USP45: variants seen among roughly 807,000 people sequenced by gnomAD.
USP45 encodes ubiquitin specific peptidase 45, also known as ubiquitin carboxyl-terminal hydrolase 45.
A neutral mutation model predicts 95.8 loss-of-function variants in USP45; 89 were observed. The ratio of observed to expected loss-of-function variants is 0.93; its 90% CI spans 0.78 to 1.11. The LOEUF (loss-of-function observed/expected upper bound fraction) is 1.11. USP45 is among the 50% of genes least tolerant of loss of function. USP45 has a pLI of 0.00. For synonymous variants in USP45, 281 were observed against 316.2 expected (o/e 0.89, Z 1.18); for missense variants, 898 against 942.5 (o/e 0.95, Z 0.62).
At chr6:99,462,147 A>T in intron 13 of USP45, 1 of 982,254 alleles carries the variant, frequency 1.0e-6, no homozygotes, top group Non-Finnish European at 1.2e-6. Context: ...TATTACATGA[A>T]AAAAACGTTC....
chr6:99,462,673 C>A lies in USP45; in HGVS notation c.1308+1931G>T, dbSNP rs542077392. 4.8e-5 allele frequency: 47 copies of A among 985,606 alleles called. No individual in the cohort carries two copies. The South Asian group carries it at 1.8e-3, about 37-fold the overall frequency. 61.1% of individuals were successfully genotyped at this position (985,606 alleles called of 1,614,324 possible). On this transcript the variant is annotated intron_variant, in intron 13 of 17. Coordinates refer to ENST00000500704, the MANE Select transcript of USP45 (RefSeq NM_001346022.3). The stretch of plus-strand genomic sequence containing the variant: ...AAGTCTTGTGACTTCTAACATAAGT[C>A]TTCTAACAGAGTAAGTTAAATTCAG...
At chr6:99,441,161 AT>A (rs1192171132) in intron 15 of USP45, among the ~76,000 whole-genome samples, 1 of 6,572 alleles carries the variant, frequency 1.5e-4, no homozygotes, top group African/African-American at 2.1e-4. Context: ...GCACACACAA[AT>A]TTTTGTGTAT....
At chr6:99,470,538 A>T (rs1789145281) in intron 9 of USP45, among the ~76,000 whole-genome samples, 1 of 152,210 alleles carries the variant, frequency 6.6e-6, no homozygotes, top group African/African-American at 2.4e-5. Context: ...AAAAGCAAAC[A>T]TAAAGCAATT....
intron 13 of USP45, among the ~76,000 whole-genome samples, chr6:99,447,400 C>A (rs1200724879): frequency 6.6e-6 from 1 of 152,146 alleles, no homozygotes; most frequent in African/African-American, 2.4e-5. Flanking sequence ...AGTGTCTTGC[C>A]TCAATTTTTT....
intron 13 of USP45, among the ~76,000 whole-genome samples, chr6:99,452,888 G>A (rs1270559147): frequency 6.6e-6 from 1 of 152,174 alleles, no homozygotes; most frequent in Non-Finnish European, 1.5e-5. Flanking sequence ...GGACATGGAT[G>A]AAGCTGGAAA....
chr6:99,476,915 G>A (rs1224591282), intron 8 of USP45, among the ~76,000 whole-genome samples: 2 of 152,140 alleles, frequency 1.3e-5, no homozygotes, highest in African/African-American at 4.8e-5. Flanking sequence ...GAAAGATCAG[G>A]TACTATTCAT....
At chr6:99,513,335 T>C (rs1562467954) in intron 1 of USP45, among the ~76,000 whole-genome samples, 1 of 152,168 alleles carries the variant, frequency 6.6e-6, no homozygotes, top group African/African-American at 2.4e-5. Flanking sequence ...TTCACTTTCC[T>C]CAAACCTCTA....
chr6:99,465,197 T>C (rs1005719027), intron 11 of USP45, 61 bp from the exon 12 acceptor site: 13 of 1,413,548 alleles, frequency 9.2e-6, no homozygotes, highest in Non-Finnish European at 1.3e-5. Context: ...TACAGTTTTG[T>C]AAAGTACAAA....
At chr6:99,463,408 G>A (rs1429098434) in intron 13 of USP45, among the ~76,000 whole-genome samples, 1 of 152,096 alleles carries the variant, frequency 6.6e-6, no homozygotes, top group South Asian at 2.1e-4. Flanking sequence ...TAGGCCTCTA[G>A]ATCTAAATGT....
At position 99,510,164 on chromosome 6, in the gene USP45, C is replaced by T. The variant is rs1222126599; in HGVS notation, c.57G>A (p.Arg19=). Residue 19 remains arginine, a synonymous_variant, in exon 2 of 18, where the codon AGG becomes AGA. Transcript: ENST00000500704. The part of the protein sequence containing the change: ...ALPEKAKRSK[R]PTVPHDEDSS... ...AGTCTTCATCATGAGGTACAGTAGG[C>T]CTTTTACTTCTTTTGGCTTTCTCAG... 2 of 1,613,916 alleles carry T rather than the reference C, an allele frequency of 1.2e-6. No homozygotes were observed. Among genetic ancestry groups the T allele is most frequent in the Admixed American group, 1.7e-5 (1 of 60,008 alleles).
intron 16 of USP45, among the ~76,000 whole-genome samples, chr6:99,437,727 G>A (rs530767778): frequency 2.0e-5 from 3 of 151,560 alleles, no homozygotes; most frequent in East Asian, 3.9e-4. Flanking sequence ...GTGTGATCTC[G>A]GCTCACTGCA....
intron 17 of USP45, 56 bp from the exon 18 acceptor site, chr6:99,435,902 C>G (rs1780375041): frequency 3.3e-6 from 5 of 1,506,526 alleles, no homozygotes; most frequent in Non-Finnish European, 4.5e-6. Flanking sequence ...GGTTCTTACT[C>G]TAAATTACAA....
intron 2 of USP45, among the ~76,000 whole-genome samples, chr6:99,509,320 T>C (rs1799248589): frequency 6.6e-6 from 1 of 152,194 alleles, no homozygotes. Flanking sequence ...TGTTTTGCAC[T>C]GCTATAGTAA....
chr6:99,483,619 A>G (rs1014563534), intron 7 of USP45, among the ~76,000 whole-genome samples: 48 of 151,576 alleles, frequency 3.2e-4, no homozygotes, highest in Admixed American at 2.8e-3. Context: ...CGGGTGGATC[A>G]TGAGGTCAGG....
chr6:99,450,481 C>G (rs960695325), intron 13 of USP45, among the ~76,000 whole-genome samples: 10 of 152,036 alleles, frequency 6.6e-5, no homozygotes, highest in African/African-American at 2.4e-4. Flanking sequence ...AAGACTAAAC[C>G]AGGAAGAACT....
intron 8 of USP45, among the ~76,000 whole-genome samples, chr6:99,477,592 C>T (rs1336641650): frequency 6.6e-6 from 1 of 152,180 alleles, no homozygotes; most frequent in Non-Finnish European, 1.5e-5. Context: ...GAATTACAGG[C>T]ATGAGCCATC....
At chr6:99,461,179 C>G in intron 13 of USP45, 1 of 985,242 alleles carries the variant, frequency 1.0e-6, no homozygotes, top group Non-Finnish European at 1.2e-6. Context: ...TTTTGGATTT[C>G]TTTCTGAACT....
chr6:99,473,803 A>ACACACACACACACACACACACACAC (rs1562370224), intron 9 of USP45, among the ~76,000 whole-genome samples: 17 of 17,208 alleles, frequency 9.9e-4, no homozygotes, highest in African/African-American at 3.0e-3. Flanking sequence ...CACACACACA[A>ACACACACACACACACACACACACAC]ATTCACAGAA....
At chr6:99,465,498 T>C (rs1445965192) in intron 11 of USP45, among the ~76,000 whole-genome samples, 2 of 152,078 alleles carry the variant, frequency 1.3e-5, no homozygotes, top group Non-Finnish European at 2.9e-5. Context: ...GAAAAAGCCA[T>C]GAAAAAAAGC....
Sources: allele counts gnomAD v4.1 joint callset (sites outside exome capture counted in the v4.1 genomes callset), GRCh38; gene constraint gnomAD v4.1.1; transcripts MANE v1.5; gene names NCBI Gene and HGNC (gene_info 2026-07-23, HGNC 2026-07-21).